The following CCDC88C variants were observed in gnomAD, a reference collection of about 807,000 sequenced individuals.
CCDC88C encodes the protein protein Daple.
In CCDC88C, 131 loss-of-function variants were observed where a neutral mutation model predicts 198.8. The ratio of observed to expected loss-of-function variants is 0.66; its 90% confidence interval spans 0.57 to 0.76. The LOEUF (loss-of-function observed/expected upper bound fraction) is 0.76, where lower values mean the gene tolerates loss of function less well. Ranked by LOEUF, CCDC88C falls within the 30% of genes least tolerant of loss-of-function variation. CCDC88C has a pLI of 0.00. For missense variants in CCDC88C, 2,553 were observed against 2,631.6 expected (o/e 0.97, Z 0.65); for synonymous variants, 1,166 against 1,114.7 (o/e 1.05, Z -0.92).
intron 3 of CCDC88C, among the ~76,000 whole-genome samples, chr14:91,401,248 T>G (rs996796895): frequency 8.9e-5 from 13 of 145,796 alleles, no homozygotes; most frequent in Non-Finnish European, 1.6e-4. Context: ...ATATATTATA[T>G]ATTATATAAT....
chr14:91,309,957 C>A lies in CCDC88C; in HGVS notation c.2766G>T (p.Gln922His). ...EDLVLEKLKS[Q>H]QLSSELDKLS... The stretch of plus-strand genomic sequence containing the variant: ...GCTTGTCCAGCTCACTGCTGAGCTG[C>A]TGGCTCTTCAGCTTCTCGAGCACCA... The change falls in exon 16 of 30, where the codon CAG becomes CAT. Residue 922 changes from glutamine to histidine, a missense_variant. Gln to His is a conservative substitution (Grantham distance 24). Around this residue, in one of 2 missense-constraint regions of CCDC88C, gnomAD observed 1,260 missense variants for 1,412.0 expected, o/e 0.89. Transcript: ENST00000389857. 1 of 1,602,760 alleles carries A rather than the reference C, an allele frequency of 6.2e-7. No individual in the cohort carries two copies. The highest frequency in any genetic ancestry group is 8.5e-7 in the Non-Finnish European group (1 of 1,174,662).
chr14:91,345,195 T>TTTTTTC (rs1567089653), intron 4 of CCDC88C, among the ~76,000 whole-genome samples: 2 of 129,000 alleles, frequency 1.6e-5, no homozygotes, highest in Non-Finnish European at 3.3e-5. Context: ...TATATATTTT[T>TTTTTTC]TTTTTTTTTT....
chr14:91,391,294 T>C (rs1305676596), intron 3 of CCDC88C, among the ~76,000 whole-genome samples: 2 of 152,052 alleles, frequency 1.3e-5, no homozygotes, highest in African/African-American at 4.8e-5. Context: ...TTTTTAATTG[T>C]GGTAAAATAT....
chr14:91,277,831 C>T (rs1890027088), intron 29 of CCDC88C, 91 bp downstream of exon 29: 3 of 1,390,428 alleles, frequency 2.2e-6, no homozygotes, highest in Admixed American at 2.9e-5. Flanking sequence ...CCACGCCACC[C>T]CCACCCCATC....
At chr14:91,389,583 T>G (rs1424076421) in intron 3 of CCDC88C, among the ~76,000 whole-genome samples, 1 of 152,002 alleles carries the variant, frequency 6.6e-6, no homozygotes, top group Non-Finnish European at 1.5e-5. Context: ...TGACTCCAAG[T>G]GAAAAAAGAT....
intron 10 of CCDC88C, among the ~76,000 whole-genome samples, chr14:91,334,471 C>T (rs1354346224): frequency 6.6e-6 from 1 of 152,184 alleles, no homozygotes; most frequent in African/African-American, 2.4e-5. Context: ...TGGTCTTGAA[C>T]TCCTGGGCTC....
intron 3 of CCDC88C, among the ~76,000 whole-genome samples, chr14:91,394,621 C>T (rs971260586): frequency 8.5e-5 from 13 of 152,190 alleles, no homozygotes; most frequent in Non-Finnish European, 1.8e-4. Flanking sequence ...TGCTGACTGA[C>T]GGCAGACACA....
intron 2 of CCDC88C, among the ~76,000 whole-genome samples, chr14:91,413,537 G>T (rs1454465905): frequency 6.6e-6 from 1 of 152,176 alleles, no homozygotes; most frequent in East Asian, 1.9e-4. Context: ...GGTGCTGGTA[G>T]GTACCCAAGA....
intron 20 of CCDC88C, among the ~76,000 whole-genome samples, chr14:91,302,647 T>C: frequency 6.6e-6 from 1 of 151,618 alleles, no homozygotes; most frequent in East Asian, 1.9e-4. Context: ...GTGTGGAGAG[T>C]GGGAGGTGCA....
In CCDC88C at chr14:91,272,393, T is replaced by C. The variant is rs1889772283; in HGVS notation, c.*232A>G. 1 of 549,902 alleles carries C rather than the reference T, an allele frequency of 1.8e-6. No homozygotes were observed. The highest frequency in any genetic ancestry group is 4.7e-4 in the Middle Eastern group (1 of 2,120). The allele number at this position is 549,902 out of a possible 1,614,324, so 34.1% of individuals were successfully genotyped here. On this transcript the variant is annotated 3_prime_UTR_variant, in exon 30 of 30. Transcript: ENST00000389857. ...TGACGTGGATTATTTGTTCCAAAGA[T>C]ATCAGCTGCTGGAAGCGGCAGACAC...
At chr14:91,348,889 C>T (rs1893665380) in intron 4 of CCDC88C, among the ~76,000 whole-genome samples, 1 of 152,184 alleles carries the variant, frequency 6.6e-6, no homozygotes, top group South Asian at 2.1e-4. Context: ...TTAACAAAAA[C>T]ATCCTGTGAT....
At chr14:91,282,634 T>C (rs555666625) in intron 26 of CCDC88C, among the ~76,000 whole-genome samples, 1 of 152,316 alleles carries the variant, frequency 6.6e-6, no homozygotes, top group East Asian at 1.9e-4. Context: ...AAGAATATTT[T>C]AATCTCATGC....
At chr14:91,357,823 C>T (rs1234318080) in intron 4 of CCDC88C, among the ~76,000 whole-genome samples, 2 of 152,230 alleles carry the variant, frequency 1.3e-5, no homozygotes, top group Non-Finnish European at 1.5e-5. Context: ...CGTCCCCGCC[C>T]TTCTCTGGGG....
At chr14:91,291,118 C>T (rs745686317) in intron 23 of CCDC88C, 34 bp from the exon 24 acceptor site, 2 of 1,208,786 alleles carry the variant, frequency 1.7e-6, no homozygotes, top group South Asian at 1.3e-5. Flanking sequence ...CCTATCAATC[C>T]AGTTTTAAAT....
In CCDC88C at chr14:91,390,021, G is replaced by A. The variant is rs1477510299; in HGVS notation, c.270+18638C>T. Reference sequence around the variant, plus strand: ...CGGGAGGCGGAGCTTGCAGTGAGCCGAGATTGTGCCACTGCACTCCAGCCT... The same window carrying A: ...CGGGAGGCGGAGCTTGCAGTGAGCCAAGATTGTGCCACTGCACTCCAGCCT... On this transcript the variant is annotated intron_variant, in intron 3 of 29. Coordinates refer to ENST00000389857, the MANE Select transcript of CCDC88C (RefSeq NM_001080414.4). Among the ~76,000 whole-genome samples the A allele has an allele frequency of 5.3e-5, 8 of 151,600 alleles. No homozygotes were observed. The South Asian group carries it at 6.2e-4, about 12-fold the overall frequency.
intron 23 of CCDC88C, among the ~76,000 whole-genome samples, chr14:91,291,925 G>A (rs1272318696): frequency 1.3e-5 from 2 of 152,290 alleles, no homozygotes; most frequent in East Asian, 1.9e-4. Flanking sequence ...AGGGAGTCAC[G>A]GGGCTGCGCC....
rs533790165 is a variant in CCDC88C at position 91,329,416 on chromosome 14, G to A, written c.1051-3360C>T. Among the ~76,000 whole-genome samples the A allele has an allele frequency of 1.2e-3, 188 of 152,286 alleles. 1 individual carries two copies. The highest frequency in any genetic ancestry group is 4.4e-3 in the African/African-American group (182 of 41,552). ...TATGATGTGACATGTCAGCCCTAAC[G>A]TGAGCTGCTGGAGGCTGGGGCCCTT... On this transcript the variant is annotated intron_variant, in intron 10 of 29. Coordinates refer to ENST00000389857, the MANE Select transcript of CCDC88C (RefSeq NM_001080414.4).
At chr14:91,335,159 G>A (rs1892997010) in intron 10 of CCDC88C, among the ~76,000 whole-genome samples, 3 of 152,158 alleles carry the variant, frequency 2.0e-5, no homozygotes, top group Non-Finnish European at 4.4e-5. Flanking sequence ...AAACTCCTGG[G>A]CCAGGGTTCC....
chr14:91,273,657 C>CA lies in CCDC88C; in HGVS notation c.5059-5_5059-4insT, dbSNP rs776631908. 4.8e-6 allele frequency: 7 copies of CA among 1,458,454 alleles called. No individual in the cohort carries two copies. Among genetic ancestry groups the CA allele is most frequent in the African/African-American group, 1.4e-5 (1 of 69,578 alleles). 90.3% of individuals were successfully genotyped at this position (1,458,454 alleles called of 1,614,324 possible). ...CATCCCGGCAACTGGGAGTGTCCTA[C>CA]GGAGAAGAGAGTGAAGGTTGGAGGT... is the stretch of plus-strand genomic sequence containing the variant. On this transcript the variant is annotated splice_polypyrimidine_tract_variant and splice_region_variant and intron_variant, in intron 29 of 29. Coordinates refer to ENST00000389857, the MANE Select transcript of CCDC88C (RefSeq NM_001080414.4). The surrounding 1 kb of genome is among the most constrained non-coding windows in gnomAD (Gnocchi z 5.6).
Sources: allele counts gnomAD v4.1 joint callset (sites outside exome capture counted in the v4.1 genomes callset), GRCh38; gene constraint gnomAD v4.1.1; regional missense constraint gnomAD v4.1.1; non-coding constraint Gnocchi (gnomAD v3.1); transcripts MANE v1.5; gene names NCBI Gene and HGNC (gene_info 2026-07-23, HGNC 2026-07-21).